TCF4: variants seen among roughly 807,000 people sequenced by gnomAD.
TCF4 encodes the protein SL3-3 enhancer factor 2.
In TCF4, 3 loss-of-function variants were observed where a neutral mutation model predicts 82.1. The ratio of observed to expected loss-of-function variants is 0.04; its 90% CI spans 0.02 to 0.09. The LOEUF (loss-of-function observed/expected upper bound fraction) is 0.09, where lower values mean the gene tolerates loss of function less well. Ranked by LOEUF, TCF4 falls within the 10% of genes least tolerant of loss-of-function variation. TCF4 has a pLI of 1.00. For missense variants in TCF4, 518 were observed against 852.7 expected (o/e 0.61, Z 4.89); for synonymous variants, 276 against 309.6 (o/e 0.89, Z 1.14).
intron 2 of TCF4, chr18:55,586,793 A>T (rs1037506967): frequency 1.1e-5 from 5 of 465,678 alleles, no homozygotes; most frequent in Non-Finnish European, 1.6e-5. Context: ...AGATTCCATT[A>T]TTTGGGGTAA....
intron 8 of TCF4, among the ~76,000 whole-genome samples, chr18:55,287,890 ACT>A (rs1316870782): frequency 6.6e-6 from 1 of 152,120 alleles, no homozygotes; most frequent in Non-Finnish European, 1.5e-5. Flanking sequence ...CAAATTTCAA[ACT>A]CTAAATAAAA....
chr18:55,446,984 C>CAA lies in TCF4; in HGVS notation c.304+14033_304+14034dup, dbSNP rs35946795. Among the ~76,000 whole-genome samples the CAA allele has an allele frequency of 1.7e-3, 142 of 84,032 alleles. 2 individuals carry two copies. The highest frequency in any genetic ancestry group is 4.2e-3 in the East Asian group (14 of 3,324). The allele number at this position is 84,032 out of a possible 152,430, so 55.1% of individuals were successfully genotyped here. A position where few individuals can be genotyped will look rare whatever the true frequency, so the allele number is the denominator to read the frequency against. On this transcript the variant is annotated intron_variant, in intron 5 of 19. Coordinates refer to ENST00000354452, the MANE Select transcript of TCF4 (RefSeq NM_001083962.2). Reference sequence around the variant, plus strand: ...CTGGGGACAGAGCGAGACTCTGTCTCAAAAAAAAAAAAAAAAGGAAAAAAA... The same window carrying CAA: ...CTGGGGACAGAGCGAGACTCTGTCTCAAAAAAAAAAAAAAAAAAGGAAAAAAA...
At chr18:55,510,510 C>G (rs2096814758) in intron 3 of TCF4, 2 of 1,208,354 alleles carry the variant, frequency 1.7e-6, no homozygotes, top group African/African-American at 1.6e-5. Context: ...TCTAAGGATA[C>G]AGAAGTCGAT....
chr18:55,326,581 T>C (rs2076607170), intron 8 of TCF4, among the ~76,000 whole-genome samples: 1 of 152,096 alleles, frequency 6.6e-6, no homozygotes, highest in Admixed American at 6.6e-5. Context: ...CTGAGAATTA[T>C]GTATGTACTT....
At chr18:55,528,415 A>C (rs2097017321) in intron 3 of TCF4, among the ~76,000 whole-genome samples, 1 of 152,214 alleles carries the variant, frequency 6.6e-6, no homozygotes, top group Admixed American at 6.5e-5. Flanking sequence ...TCTCTATAAT[A>C]TACTGTGGAT....
At chr18:55,560,486 G>T (rs2097345553) in intron 3 of TCF4, among the ~76,000 whole-genome samples, 2 of 152,150 alleles carry the variant, frequency 1.3e-5, no homozygotes, top group Non-Finnish European at 2.9e-5. Context: ...TCTTACAAAT[G>T]AGGAAATTCT....
chr18:55,504,860 T>C (rs2096736503), intron 3 of TCF4, among the ~76,000 whole-genome samples: 1 of 152,124 alleles, frequency 6.6e-6, no homozygotes, highest in African/African-American at 2.4e-5. Context: ...AAAACCGTAA[T>C]TCAAATGTTC....
intron 8 of TCF4, among the ~76,000 whole-genome samples, chr18:55,348,702 A>G (rs1007184078): frequency 1.3e-5 from 2 of 152,158 alleles, no homozygotes; most frequent in Admixed American, 1.3e-4. Flanking sequence ...ATACCATCCA[A>G]TGCCACACCA....
In TCF4 at chr18:55,408,323, G is replaced by A. The variant is rs544159988; in HGVS notation, c.305-4805C>T. On this transcript the variant is annotated intron_variant, in intron 5 of 19. Coordinates refer to ENST00000354452, the MANE Select transcript of TCF4 (RefSeq NM_001083962.2). ...GTTAATCCTCATTCTGGGAACTGAA[G>A]AATGAGCCTTTTGTTCCCTGGCATC... Among the ~76,000 whole-genome samples, 14 of 152,258 alleles carry A rather than the reference G, an allele frequency of 9.2e-5. No individual in the cohort carries two copies. In the South Asian group the frequency reaches 2.5e-3, roughly 27 times the overall value.
intron 2 of TCF4, among the ~76,000 whole-genome samples, chr18:55,620,149 C>A (rs879760121): frequency 3.3e-5 from 5 of 152,182 alleles, no homozygotes; most frequent in Non-Finnish European, 1.5e-5. Context: ...TCACCTTCCA[C>A]CATGATTGTA....
chr18:55,239,241 A>C (rs549243916), intron 15 of TCF4, among the ~76,000 whole-genome samples: 9 of 152,354 alleles, frequency 5.9e-5, no homozygotes, highest in African/African-American at 2.2e-4. Context: ...TGATAGAAAC[A>C]CTTTTAAATC....
intron 2 of TCF4, among the ~76,000 whole-genome samples, chr18:55,598,959 C>T (rs1005356476): frequency 7.2e-5 from 11 of 152,148 alleles, no homozygotes; most frequent in African/African-American, 2.7e-4. Context: ...TGTTGGTGCC[C>T]CCTGAACCTT....
At chr18:55,622,193 TTC>T (rs2097721904) in intron 2 of TCF4, among the ~76,000 whole-genome samples, 1 of 1,014 alleles carries the variant, frequency 9.9e-4, no homozygotes, top group Admixed American at 0.042. Context: ...ACACACCCTC[TTC>T]TTTTCTTTTA....
At chr18:55,234,319 T>A (rs1394679474) in intron 16 of TCF4, 1 of 627,344 alleles carries the variant, frequency 1.6e-6, no homozygotes, top group African/African-American at 1.8e-5. Context: ...CATTCCCTGC[T>A]GATATAGGAC....
At chr18:55,589,324 TATTCC>T, upstream of TCF4, 1 of 1,052,062 alleles carries the variant, frequency 9.5e-7, no homozygotes, top group Non-Finnish European at 1.1e-6. Flanking sequence ...ATTCTCACAA[TATTCC>T]AAGGAAAGAG....
At chr18:55,621,741 GTATTTA>G (rs1355119463) in intron 2 of TCF4, among the ~76,000 whole-genome samples, 2 of 76,556 alleles carry the variant, frequency 2.6e-5, no homozygotes, top group Admixed American at 4.7e-4. Flanking sequence ...TTATACAATT[GTATTTA>G]TAATTATAAT....
At chr18:55,572,920 G>A (rs2097488436) in intron 3 of TCF4, among the ~76,000 whole-genome samples, 2 of 152,050 alleles carry the variant, frequency 1.3e-5, no homozygotes, top group Admixed American at 6.6e-5. Flanking sequence ...AGGTGTGGTG[G>A]CACATGCTTG....
At chr18:55,480,841 C>T (rs756009067) in intron 3 of TCF4, among the ~76,000 whole-genome samples, 2 of 152,120 alleles carry the variant, frequency 1.3e-5, no homozygotes, top group East Asian at 1.9e-4. Flanking sequence ...CAGTGGCTCA[C>T]GCCTGTAATC....
intron 2 of TCF4, among the ~76,000 whole-genome samples, chr18:55,616,938 T>C (rs1032146042): frequency 3.9e-5 from 6 of 152,116 alleles, no homozygotes; most frequent in Non-Finnish European, 5.9e-5. Flanking sequence ...TTTTTAGTTT[T>C]ATGTAGTTCT....
Sources: allele counts gnomAD v4.1 joint callset (sites outside exome capture counted in the v4.1 genomes callset), GRCh38; gene constraint gnomAD v4.1.1; transcripts MANE v1.5; gene names NCBI Gene and HGNC (gene_info 2026-07-23, HGNC 2026-07-21).